The following CCDC88A variants were observed in gnomAD, a reference collection of about 807,000 sequenced individuals.
CCDC88A encodes girdin.
In CCDC88A, 54 loss-of-function variants were observed where a neutral mutation model predicts 234.3. The ratio of observed to expected loss-of-function variants is 0.23; its 90% CI spans 0.19 to 0.29. The LOEUF is 0.29. Among genes scored for constraint, CCDC88A ranks in the 10% least tolerant of loss-of-function variants. CCDC88A has a pLI of 1.00. For synonymous variants in CCDC88A, 753 were observed against 737.8 expected (o/e 1.02, Z -0.33); for missense variants, 1,832 against 2,123.4 (o/e 0.86, Z 2.70).
chr2:55,411,744 T>A, intron 2 of CCDC88A, among the ~76,000 whole-genome samples: 1 of 132,074 alleles, frequency 7.6e-6, no homozygotes. Flanking sequence ...CACGCCACTG[T>A]ACTCCAGCCT....
chr2:55,314,084 A>C (rs1682671523), intron 22 of CCDC88A: 1 of 152,202 alleles, frequency 6.6e-6, no homozygotes, highest in Non-Finnish European at 1.5e-5. Context: ...TCTAGGCCTC[A>C]AGTTGCCTGT....
chr2:55,328,192 A>G lies in CCDC88A; in HGVS notation c.2997+102T>C, dbSNP rs1684494401. The G allele has an allele frequency of 3.3e-6, 3 of 898,368 alleles. No homozygotes were observed. Among genetic ancestry groups the G allele is most frequent in the African/African-American group, 1.7e-5 (1 of 58,234 alleles). 55.6% of individuals were successfully genotyped at this position (898,368 alleles called of 1,614,324 possible). ...TGAAAAAGGAAGAAATAGACTAAATATCAATAAAATGTTTATATTTTTATT... is the reference window on the plus strand; with the variant it reads ...TGAAAAAGGAAGAAATAGACTAAATGTCAATAAAATGTTTATATTTTTATT... On this transcript the variant is annotated intron_variant, in intron 17 of 32. Transcript: ENST00000436346. This position sits in a 1 kb window ranked among gnomAD's most constrained non-coding sequence, Gnocchi z 4.3.
rs769346255 is a variant in CCDC88A, at chr2:55,334,453, C to G, written c.2368G>C (p.Glu790Gln). 6.3e-7 allele frequency: 1 copy of G among 1,591,844 alleles called. No homozygotes were observed. The highest frequency in any genetic ancestry group is 8.5e-7 in the Non-Finnish European group (1 of 1,173,612). Residue 790 changes from glutamate to glutamine, a missense_variant, in exon 15 of 33, where the codon GAG (glutamate) becomes CAG (glutamine). Transcript: ENST00000436346. The surrounding 1 kb of genome is among the most constrained non-coding windows in gnomAD (Gnocchi z 6.1). ...TTCTGCAATGTTTGATTTTCCATCT[C>G]TAAGTCTTGTAGTTCACTCTCTAAT... ...QQLESELQDLEMENQTLQKNL... is the reference protein window; with the variant it reads ...QQLESELQDLQMENQTLQKNL...
chr2:55,379,926 T>C (rs1574368550), intron 3 of CCDC88A, among the ~76,000 whole-genome samples: 1 of 145,596 alleles, frequency 6.9e-6, no homozygotes, highest in East Asian at 2.1e-4. Flanking sequence ...AATAAATAAA[T>C]AAATAAAAAA....
intron 18 of CCDC88A, among the ~76,000 whole-genome samples, chr2:55,320,369 G>A (rs1486700378): frequency 1.3e-5 from 2 of 152,088 alleles, no homozygotes; most frequent in Non-Finnish European, 1.5e-5. Context: ...GGGTATCTTA[G>A]AGCAGGAAAA....
At chr2:55,375,587 G>C (rs1673548403) in intron 3 of CCDC88A, among the ~76,000 whole-genome samples, 1 of 149,396 alleles carries the variant, frequency 6.7e-6, no homozygotes, top group South Asian at 2.1e-4. Context: ...TAGTGCAGTG[G>C]TGTGATCTTG....
At chr2:55,418,978 T>A (rs1318687505) in intron 1 of CCDC88A, 39 bp downstream of exon 1, 3 of 1,599,530 alleles carry the variant, frequency 1.9e-6, no homozygotes, top group Admixed American at 3.3e-5. Context: ...CAGCCACAAA[T>A]AACTCAGCAA....
chr2:55,384,556 T>TAC (rs1160392527), intron 3 of CCDC88A, among the ~76,000 whole-genome samples: 1 of 90,574 alleles, frequency 1.1e-5, no homozygotes, highest in Non-Finnish European at 2.1e-5. Flanking sequence ...TATGTGTATA[T>TAC]ATACACATAT....
intron 2 of CCDC88A, among the ~76,000 whole-genome samples, chr2:55,390,745 G>A (rs1026328657): frequency 6.6e-6 from 1 of 152,168 alleles, no homozygotes; most frequent in Non-Finnish European, 1.5e-5. Flanking sequence ...CAAAGCTGGA[G>A]TTCATGGATG....
chr2:55,349,179 A>T (rs1669556921), intron 9 of CCDC88A: 1 of 207,226 alleles, frequency 4.8e-6, no homozygotes, highest in African/African-American at 2.3e-5. Flanking sequence ...GGGAGCAGAG[A>T]CACAGAGAGA....
At chr2:55,367,528 G>GTTTTTTTTTTTTTTTGTTTTTTT in intron 5 of CCDC88A, among the ~76,000 whole-genome samples, 1 of 99,890 alleles carries the variant, frequency 1.0e-5, no homozygotes, top group African/African-American at 4.3e-5. Context: ...TTATTTCCTT[G>GTTTTTTTTTTTTTTTGTTTTTTT]TTTTTTTTTA....
At position 55,328,281 on chromosome 2, in the gene CCDC88A, G is replaced by A; in HGVS notation, c.2997+13C>T. The A allele has an allele frequency of 2.6e-6, 4 of 1,548,220 alleles. No individual in the cohort carries two copies. The highest frequency in any genetic ancestry group is 3.5e-6 in the Non-Finnish European group (4 of 1,149,902). On this transcript the variant is annotated intron_variant, in intron 17 of 32. Coordinates refer to ENST00000436346, the MANE Select transcript of CCDC88A (RefSeq NM_001365480.1). This position sits in a 1 kb window ranked among gnomAD's most constrained non-coding sequence, Gnocchi z 4.3. ...AAATGATCCTTAAAATTCTTTCCAA[G>A]AAAATCACTTACTGTTTTAAGTTCT... is the stretch of plus-strand genomic sequence containing the variant.
intron 23 of CCDC88A, among the ~76,000 whole-genome samples, chr2:55,311,058 C>G (rs1218101801): frequency 6.6e-6 from 1 of 152,104 alleles, no homozygotes; most frequent in Non-Finnish European, 1.5e-5. Context: ...GCACTTTCAC[C>G]TGGAAATGTA....
intron 2 of CCDC88A, chr2:55,405,434 G>C (rs545705411): frequency 6.6e-6 from 1 of 151,826 alleles, no homozygotes; most frequent in East Asian, 1.9e-4. Context: ...TGAAAGAAAA[G>C]AAAAGAAAAA....
intron 2 of CCDC88A, among the ~76,000 whole-genome samples, chr2:55,411,297 T>C (rs958188881): frequency 1.3e-5 from 2 of 152,140 alleles, no homozygotes; most frequent in African/African-American, 4.8e-5. Context: ...CCATAATATA[T>C]ATTAAGAGAA....
intron 5 of CCDC88A, among the ~76,000 whole-genome samples, chr2:55,371,532 G>A (rs1352777125): frequency 6.6e-6 from 1 of 152,186 alleles, no homozygotes; most frequent in African/African-American, 2.4e-5. Context: ...TTTGAAGTCA[G>A]AGCAGAGTTG....
At position 55,308,862 on chromosome 2, in the gene CCDC88A, A is replaced by G. The variant is rs1241668639; in HGVS notation, c.4334T>C (p.Val1445Ala). 1.2e-6 allele frequency: 2 copies of G among 1,614,166 alleles called. No individual in the cohort carries two copies. Among genetic ancestry groups the G allele is most frequent in the South Asian group, 2.2e-5 (2 of 91,088 alleles). The change falls in exon 25 of 33, where the codon GTA (valine) becomes GCA (alanine). Residue 1445 changes from valine (V) to alanine (A), a missense_variant. By Grantham distance (64) the Val-to-Ala change is moderately conservative. Coordinates refer to ENST00000436346, the MANE Select transcript of CCDC88A (RefSeq NM_001365480.1). The stretch of plus-strand genomic sequence containing the variant: ...GCCATCTTCTAAAGAGTTTGAACCT[A>G]CTGAAGAACTATCTTGACTGTCTTG... Reference protein sequence around the residue: ...PHQDSQDSSSVGSNSLEDGQT... With the variant: ...PHQDSQDSSSAGSNSLEDGQT...
intron 13 of CCDC88A, chr2:55,337,713 GC>G (rs1284877761): frequency 6.6e-6 from 1 of 152,152 alleles, no homozygotes; most frequent in African/African-American, 2.4e-5. Flanking sequence ...GGTGGCCTGT[GC>G]CTGTAGTCCT....
intron 2 of CCDC88A, among the ~76,000 whole-genome samples, chr2:55,414,337 A>C (rs1297350812): frequency 6.6e-6 from 1 of 152,242 alleles, no homozygotes; most frequent in Non-Finnish European, 1.5e-5. Context: ...ATGACATCTC[A>C]AACAGGAAAA....
Sources: allele counts gnomAD v4.1 joint callset (sites outside exome capture counted in the v4.1 genomes callset), GRCh38; gene constraint gnomAD v4.1.1; non-coding constraint Gnocchi (gnomAD v3.1); transcripts MANE v1.5; gene names NCBI Gene and HGNC (gene_info 2026-07-23, HGNC 2026-07-21).